Variants in PEAK1 observed in about 807,000 individuals in gnomAD.
PEAK1 encodes inactive tyrosine-protein kinase PEAK1.
Under a neutral mutation model 124.7 loss-of-function variants are expected in PEAK1, and 54 were observed. The ratio of observed to expected loss-of-function variants is 0.43; its 90% confidence interval spans 0.35 to 0.54. PEAK1 has a LOEUF of 0.54. Ranked by LOEUF, PEAK1 falls within the 20% of genes least tolerant of loss-of-function variation. PEAK1 has a pLI of 0.01. For synonymous variants in PEAK1, 719 were observed against 760.0 expected (o/e 0.95, Z 0.89); for missense variants, 2,046 against 2,134.5 (o/e 0.96, Z 0.82).
chr15:77,322,993 A>C (rs962034472), intron 2 of PEAK1, among the ~76,000 whole-genome samples: 1 of 152,232 alleles, frequency 6.6e-6, no homozygotes, highest in Admixed American at 6.5e-5. Flanking sequence ...ACAAATCAAT[A>C]AACGTAATCC....
At chr15:77,374,982 A>G (rs1371955573) in intron 1 of PEAK1, among the ~76,000 whole-genome samples, 8 of 152,224 alleles carry the variant, frequency 5.3e-5, no homozygotes, top group Non-Finnish European at 1.0e-4. Context: ...AAACTTAGAA[A>G]AGAGGAGAAA....
intron 5 of PEAK1, among the ~76,000 whole-genome samples, chr15:77,282,180 T>C (rs2062706798): frequency 6.6e-6 from 1 of 152,108 alleles, no homozygotes; most frequent in Admixed American, 6.6e-5. Flanking sequence ...TACACACAAA[T>C]CAACAGCTCC....
At chr15:77,368,644 T>C (rs532154076) in intron 1 of PEAK1, among the ~76,000 whole-genome samples, 25 of 152,274 alleles carry the variant, frequency 1.6e-4, no homozygotes, top group African/African-American at 5.8e-4. Context: ...AGACAAAGCA[T>C]TAAGCAAAGA....
rs1290118692 is a variant in PEAK1, at chr15:77,115,215, G to A, written c.4182C>T (p.Phe1394=). 2.5e-6 allele frequency: 4 copies of A among 1,614,052 alleles called. No individual in the cohort carries two copies. The highest frequency in any genetic ancestry group is 3.3e-5 in the Admixed American group (2 of 60,004). The change falls in exon 10 of 10, where the codon TTC becomes TTT. Residue 1394 remains phenylalanine (F), a synonymous_variant. Transcript: ENST00000682557. ...HFNIQQDCGH[F]LAEVPNRLLP... ...GCAGACGGTTAGGGACTTCAGCAAG[G>A]AAATGACCACAGTCCTGCTGAATGT...
chr15:77,304,257 A>G (rs1186475095), intron 2 of PEAK1, among the ~76,000 whole-genome samples: 1 of 152,206 alleles, frequency 6.6e-6, no homozygotes, highest in Non-Finnish European at 1.5e-5. Context: ...TCAAGTCTAT[A>G]GATCAAATTG....
chr15:77,178,616 A>T (rs2057031394), intron 7 of PEAK1, 174 bp downstream of exon 7: 1 of 695,510 alleles, frequency 1.4e-6, no homozygotes, highest in Non-Finnish European at 2.3e-6. Flanking sequence ...TCAGTGCAGT[A>T]AGATCACTTT....
chr15:77,199,745 G>A (rs962926185), intron 6 of PEAK1, among the ~76,000 whole-genome samples: 1 of 152,160 alleles, frequency 6.6e-6, no homozygotes, highest in Admixed American at 6.5e-5. Context: ...CACATCAGAA[G>A]AATTTACGGA....
intron 2 of PEAK1, among the ~76,000 whole-genome samples, chr15:77,339,929 T>G (rs2066429610): frequency 6.6e-6 from 1 of 152,186 alleles, no homozygotes; most frequent in African/African-American, 2.4e-5. Context: ...AACTGCAAAT[T>G]AAAACAATGA....
At chr15:77,284,520 A>G (rs1223898839) in intron 4 of PEAK1, among the ~76,000 whole-genome samples, 7 of 152,204 alleles carry the variant, frequency 4.6e-5, no homozygotes, top group African/African-American at 1.4e-4. Context: ...AGTCCTTTCT[A>G]TCATATGTTG....
chr15:77,210,501 T>C (rs1203067311), intron 6 of PEAK1, among the ~76,000 whole-genome samples: 1 of 152,234 alleles, frequency 6.6e-6, no homozygotes, highest in Admixed American at 6.5e-5. Flanking sequence ...GGAAAAAGTG[T>C]CTTTTAAACC....
intron 2 of PEAK1, chr15:77,350,411 T>G: frequency 1.0e-6 from 1 of 985,378 alleles, no homozygotes; most frequent in Non-Finnish European, 1.2e-6. Flanking sequence ...TATCACTGAA[T>G]AGGGAACAGC....
intron 6 of PEAK1, among the ~76,000 whole-genome samples, chr15:77,242,472 C>T (rs529780933): frequency 2.6e-5 from 4 of 152,166 alleles, no homozygotes; most frequent in South Asian, 2.1e-4. Flanking sequence ...AGCCTCTAGG[C>T]TATCTGCTCA....
chr15:77,310,939 C>G (rs181638079), intron 2 of PEAK1, among the ~76,000 whole-genome samples: 78 of 152,232 alleles, frequency 5.1e-4, no homozygotes, highest in Admixed American at 5.0e-3. Flanking sequence ...TAGATAGGAA[C>G]AAATCTATGC....
intron 2 of PEAK1, among the ~76,000 whole-genome samples, chr15:77,325,446 T>TAAATA (rs1201035888): frequency 3.5e-5 from 5 of 141,996 alleles, no homozygotes; most frequent in Middle Eastern, 3.4e-3. Flanking sequence ...AATAAATAAA[T>TAAATA]AAATAAAATA....
At chr15:77,366,046 G>A (rs2068214854) in intron 1 of PEAK1, among the ~76,000 whole-genome samples, 1 of 152,146 alleles carries the variant, frequency 6.6e-6, no homozygotes. Flanking sequence ...AAATTAAAAT[G>A]AGATATCATC....
chr15:77,203,294 C>T (rs1049564942), intron 6 of PEAK1, among the ~76,000 whole-genome samples: 4 of 151,926 alleles, frequency 2.6e-5, no homozygotes, highest in South Asian at 2.1e-4. Context: ...CCACGCCGTT[C>T]AAACTGGTAT....
chr15:77,217,613 T>C (rs1355113762), intron 6 of PEAK1, among the ~76,000 whole-genome samples: 1 of 152,180 alleles, frequency 6.6e-6, no homozygotes, highest in Non-Finnish European at 1.5e-5. Context: ...CCGACTTCTT[T>C]TGGTTTCCTA....
At chr15:77,356,647 A>T (rs182874468) in intron 2 of PEAK1, among the ~76,000 whole-genome samples, 237 of 151,252 alleles carry the variant, frequency 1.6e-3, no homozygotes, top group African/African-American at 5.7e-3. Context: ...GAATAAATTG[A>T]GCATGATCAC....
chr15:77,315,775 C>T (rs1482300877), intron 2 of PEAK1, among the ~76,000 whole-genome samples: 1 of 151,840 alleles, frequency 6.6e-6, no homozygotes, highest in Non-Finnish European at 1.5e-5. Flanking sequence ...CAGTACTCCT[C>T]TAAATTGTCA....
Sources: gnomAD v4.1 joint callset for allele counts (sites outside exome capture counted in the v4.1 genomes callset) on GRCh38, gnomAD v4.1.1 for gene constraint, MANE v1.5 for transcripts, NCBI Gene and HGNC (gene_info 2026-07-23, HGNC 2026-07-21) for gene names.